RGS21: variants seen among roughly 807,000 people sequenced by gnomAD.
RGS21 encodes the protein regulator of G protein signaling 21, also known as regulator of G-protein signalling 21.
Under a neutral mutation model 18.7 loss-of-function variants are expected in RGS21, and 19 were observed. The ratio of observed to expected loss-of-function variants is 1.01; its 90% confidence interval spans 0.71 to 1.49. The LOEUF (loss-of-function observed/expected upper bound fraction) is 1.49, where lower values mean the gene tolerates loss of function less well. RGS21 is among the 40% of genes most tolerant of loss of function. The pLI is 0.00. For missense variants in RGS21, 194 were observed against 176.8 expected (o/e 1.10, Z -0.55); for synonymous variants, 56 against 57.8 (o/e 0.97, Z 0.14).
chr1:192,324,789 AT>A (rs1324176780), intron 1 of RGS21, among the ~76,000 whole-genome samples: 1 of 152,106 alleles, frequency 6.6e-6, no homozygotes, highest in Admixed American at 6.6e-5. Flanking sequence ...ATGTTAAAAA[AT>A]TTTATATTGA....
chr1:192,357,173 C>G (rs766772035), intron 4 of RGS21, among the ~76,000 whole-genome samples: 41 of 151,612 alleles, frequency 2.7e-4, no homozygotes, highest in Non-Finnish European at 5.8e-4. Flanking sequence ...AAGCTTTGAC[C>G]AGAAATTTGA....
rs1375274077 is a variant in RGS21, at chr1:192,366,357, A to G, written c.*233A>G. ...GGGAGTACAAAGAAAGTTTATAGAG[A>G]TACAATATAGTCTTAAACCAAAACT... On this transcript the variant is annotated 3_prime_UTR_variant, in exon 5 of 5. Transcript: ENST00000417209. The G allele has an allele frequency of 4.8e-6, 2 of 413,280 alleles. No homozygotes were observed. The highest frequency in any genetic ancestry group is 5.6e-5 in the South Asian group (2 of 35,992). The allele number at this position is 413,280 out of a possible 1,614,324, so 25.6% of individuals were successfully genotyped here. A position where few individuals can be genotyped will look rare whatever the true frequency, so the allele number is the denominator to read the frequency against.
At chr1:192,349,569 T>C (rs971935024) in intron 3 of RGS21, among the ~76,000 whole-genome samples, 1 of 152,152 alleles carries the variant, frequency 6.6e-6, no homozygotes, top group African/African-American at 2.4e-5. Flanking sequence ...GATAATAAGT[T>C]TAATTTTATG....
intron 1 of RGS21, among the ~76,000 whole-genome samples, chr1:192,333,444 G>A (rs1226464867): frequency 1.3e-5 from 2 of 152,002 alleles, no homozygotes; most frequent in Non-Finnish European, 1.5e-5. Context: ...TCCTTAAGTA[G>A]TGAATGATTA....
rs781547448 is a variant in RGS21, at chr1:192,347,437, A to G, written c.88+48A>G. 8 of 889,840 alleles carry G rather than the reference A, an allele frequency of 9.0e-6. No individual in the cohort carries two copies. In the Admixed American group the frequency reaches 1.3e-4, roughly 14 times the overall value. The allele number at this position is 889,840 out of a possible 1,614,324, so 55.1% of individuals were successfully genotyped here. On this transcript the variant is annotated intron_variant, in intron 3 of 4. Coordinates refer to ENST00000417209, the MANE Select transcript of RGS21 (RefSeq NM_001039152.3). ...CTTAAAATACAATAATTAAATATAA[A>G]TTATTAAATTCTGAAAGTTGGTAAC...
intron 1 of RGS21, among the ~76,000 whole-genome samples, chr1:192,339,097 T>G (rs1339132): frequency 0.3 from 45,299 of 151,902 alleles, 7,502 homozygotes; most frequent in African/African-American, 0.43. Context: ...TTCTGACACG[T>G]ATTTCTGAAG....
intron 1 of RGS21, among the ~76,000 whole-genome samples, chr1:192,325,838 G>A (rs760802574): frequency 1.3e-4 from 20 of 151,828 alleles, no homozygotes; most frequent in South Asian, 2.1e-4. Context: ...ATAGATTCTG[G>A]GCATTAGACC....
intron 1 of RGS21, among the ~76,000 whole-genome samples, chr1:192,319,039 G>A (rs1048333710): frequency 4.6e-5 from 7 of 151,892 alleles, no homozygotes; most frequent in Admixed American, 1.3e-4. Flanking sequence ...AGACCAGTCC[G>A]GGAAAATTAG....
chr1:192,319,791 T>C (rs762312764), intron 1 of RGS21, among the ~76,000 whole-genome samples: 6 of 152,256 alleles, frequency 3.9e-5, no homozygotes, highest in Non-Finnish European at 5.9e-5. Context: ...AGATGTTTAA[T>C]AACTGATGGT....
intron 1 of RGS21, 72 bp from the exon 2 acceptor site, chr1:192,342,905 T>C: frequency 1.2e-6 from 1 of 834,132 alleles, no homozygotes; most frequent in Non-Finnish European, 2.0e-6. Context: ...ATTTAAAGAA[T>C]GCCAATTTGT....
intron 4 of RGS21, among the ~76,000 whole-genome samples, chr1:192,360,926 CT>C (rs1659179736): frequency 1.3e-5 from 2 of 152,088 alleles, no homozygotes; most frequent in South Asian, 2.1e-4. Flanking sequence ...TCTTGATTGA[CT>C]TTTTACCTTA....
chr1:192,360,650 G>A (rs952514710), intron 4 of RGS21, among the ~76,000 whole-genome samples: 17 of 151,930 alleles, frequency 1.1e-4, no homozygotes, highest in African/African-American at 3.6e-4. Context: ...AATTCTCCTC[G>A]TTGGCCTCAG....
At chr1:192,325,807 G>A (rs1658561425) in intron 1 of RGS21, among the ~76,000 whole-genome samples, 1 of 151,900 alleles carries the variant, frequency 6.6e-6, no homozygotes, top group African/African-American at 2.4e-5. Flanking sequence ...TTTTTTGCTT[G>A]TTGAATTGTT....
At chr1:192,346,781 G>C (rs1170313965) in intron 2 of RGS21, among the ~76,000 whole-genome samples, 1 of 152,020 alleles carries the variant, frequency 6.6e-6, no homozygotes, top group Non-Finnish European at 1.5e-5. Flanking sequence ...AGAAATAAAG[G>C]CTGCCTCAGA....
intron 1 of RGS21, among the ~76,000 whole-genome samples, chr1:192,337,162 A>G (rs1658779406): frequency 6.6e-6 from 1 of 152,014 alleles, no homozygotes; most frequent in Non-Finnish European, 1.5e-5. Flanking sequence ...TGTTACTTCC[A>G]TTTTTTATTA....
chr1:192,348,779 G>A (rs1658992672), intron 3 of RGS21, among the ~76,000 whole-genome samples: 1 of 146,498 alleles, frequency 6.8e-6, no homozygotes, highest in Admixed American at 6.7e-5. Context: ...AATATTATTT[G>A]TATAAATCAA....
Position 192,344,642 on chromosome 1 carries a change from T to G in RGS21, c.11+1595T>G, listed in dbSNP as rs75679219. Reference sequence around the variant, plus strand: ...ACAAGAAACTCCAAAATTTACAAATTTAACTGGCAACAAACAAGCATTACT... The same window carrying G: ...ACAAGAAACTCCAAAATTTACAAATGTAACTGGCAACAAACAAGCATTACT... On this transcript the variant is annotated intron_variant, in intron 2 of 4. Transcript: ENST00000417209. Among the ~76,000 whole-genome samples the G allele has an allele frequency of 1.4e-4, 22 of 152,234 alleles. No individual in the cohort carries two copies. In the East Asian group the frequency reaches 4.1e-3, roughly 28 times the overall value.
At chr1:192,349,063 AGT>A (rs1448040545) in intron 3 of RGS21, among the ~76,000 whole-genome samples, 1 of 152,142 alleles carries the variant, frequency 6.6e-6, no homozygotes, top group East Asian at 1.9e-4. Flanking sequence ...CTGTTTATTA[AGT>A]GTTAAATGGT....
intron 3 of RGS21, among the ~76,000 whole-genome samples, chr1:192,348,246 G>A (rs1480409235): frequency 2.0e-5 from 3 of 151,798 alleles, no homozygotes; most frequent in Non-Finnish European, 2.9e-5. Context: ...GGCTGGTCTC[G>A]AACTTCTGAC....
Sources: allele counts gnomAD v4.1 joint callset (sites outside exome capture counted in the v4.1 genomes callset), GRCh38; gene constraint gnomAD v4.1.1; transcripts MANE v1.5; gene names NCBI Gene and HGNC (gene_info 2026-07-23, HGNC 2026-07-21).